The following ASAP1 variants were observed in gnomAD, a reference collection of about 807,000 sequenced individuals.
ASAP1 encodes the protein arf-GAP with SH3 domain, ANK repeat and PH domain-containing protein 1.
ASAP1 carries 43 observed loss-of-function variants against 145.2 expected under a neutral mutation model. The ratio of observed to expected loss-of-function variants is 0.30; its 90% CI spans 0.23 to 0.38. The LOEUF is 0.38. ASAP1 is among the 10% of genes least tolerant of loss of function. The probability of loss-of-function intolerance (pLI) is 1.00; values close to 1 mark genes in which losing one functional copy is unlikely to be tolerated. For synonymous variants in ASAP1, 546 were observed against 515.5 expected (o/e 1.06, Z -0.80); for missense variants, 1,018 against 1,355.3 (o/e 0.75, Z 3.91).
chr8:130,153,282 T>G (rs1015152297), intron 12 of ASAP1, among the ~76,000 whole-genome samples: 2 of 148,052 alleles, frequency 1.4e-5, no homozygotes, highest in Non-Finnish European at 3.0e-5. Flanking sequence ...CCTCCCAAAG[T>G]GCTGAGATTA....
intron 18 of ASAP1, among the ~76,000 whole-genome samples, chr8:130,119,006 A>T (rs1214185903): frequency 1.3e-5 from 2 of 152,258 alleles, no homozygotes; most frequent in African/African-American, 2.4e-5. Flanking sequence ...GAATAAATTT[A>T]AAAATTTAAG....
At chr8:130,151,143 C>A (rs574060430) in intron 13 of ASAP1, among the ~76,000 whole-genome samples, 1 of 151,850 alleles carries the variant, frequency 6.6e-6, no homozygotes, top group African/African-American at 2.4e-5. Flanking sequence ...GAGGCCGAAG[C>A]GGGCAGATCA....
intron 4 of ASAP1, among the ~76,000 whole-genome samples, chr8:130,236,130 C>A (rs917790900): frequency 6.6e-6 from 1 of 152,090 alleles, no homozygotes; most frequent in African/African-American, 2.4e-5. Flanking sequence ...CTATTATAGT[C>A]TGCTGCCTTC....
chr8:130,418,985 T>G (rs1016707962), intron 1 of ASAP1, among the ~76,000 whole-genome samples: 1 of 152,078 alleles, frequency 6.6e-6, no homozygotes, highest in African/African-American at 2.4e-5. Flanking sequence ...CTAAGAGGCC[T>G]GGTAAAAGGC....
chr8:130,146,704 T>G (rs1281543660), intron 13 of ASAP1, among the ~76,000 whole-genome samples: 1 of 152,218 alleles, frequency 6.6e-6, no homozygotes, highest in Non-Finnish European at 1.5e-5. Context: ...GGAAGCTGAA[T>G]GTTATCTTCA....
chr8:130,141,253 C>T (rs1435189987), intron 13 of ASAP1, among the ~76,000 whole-genome samples: 3 of 152,180 alleles, frequency 2.0e-5, no homozygotes, highest in Non-Finnish European at 4.4e-5. Flanking sequence ...AATAAACACA[C>T]ATCTGTGCCA....
At chr8:130,275,876 C>T (rs1218399110) in intron 3 of ASAP1, among the ~76,000 whole-genome samples, 2 of 152,124 alleles carry the variant, frequency 1.3e-5, no homozygotes, top group Non-Finnish European at 2.9e-5. Flanking sequence ...AACAACAGAA[C>T]TGGAGGAGAA....
At chr8:130,119,978 CCA>C (rs1014702713) in intron 18 of ASAP1, among the ~76,000 whole-genome samples, 9 of 152,124 alleles carry the variant, frequency 5.9e-5, no homozygotes, top group African/African-American at 2.2e-4. Flanking sequence ...TTCCAACAGC[CCA>C]CAGTCAGGCA....
At chr8:130,153,780 T>C (rs992871149) in intron 12 of ASAP1, among the ~76,000 whole-genome samples, 3 of 152,206 alleles carry the variant, frequency 2.0e-5, no homozygotes, top group African/African-American at 7.2e-5. Flanking sequence ...AACTCCTCTC[T>C]AGGAAGGGGA....
rs1341465346 is a variant in ASAP1, at chr8:130,127,933, A to T, written c.1375T>A (p.Ser459Thr). 1 of 1,611,720 alleles carries T rather than the reference A, an allele frequency of 6.2e-7. No homozygotes were observed. Among genetic ancestry groups the T allele is most frequent in the Admixed American group, 1.7e-5 (1 of 59,178 alleles). The change falls in exon 16 of 30, where the codon TCA becomes ACA. Residue 459 changes from serine to threonine, a missense_variant. Ser to Thr is a moderately conservative substitution (Grantham distance 58). Around this residue, in one of 9 missense-constraint regions of ASAP1, gnomAD observed 153 missense variants for 221.6 expected, o/e 0.69. Transcript: ENST00000518721. ...PGNDICCDCG[S>T]SEPTWLSTNL... ...CAAATATGGGGACAAAAACCTGATG[A>T]GCCACAATCGCAGCAAATGTCATTC...
At chr8:130,132,463 C>T (rs2097584689) in intron 15 of ASAP1, among the ~76,000 whole-genome samples, 1 of 152,162 alleles carries the variant, frequency 6.6e-6, no homozygotes, top group Admixed American at 6.5e-5. Context: ...AGCCTCCTGC[C>T]TGGAGTATAG....
At chr8:130,069,183 T>C (rs1374158643) in intron 27 of ASAP1, among the ~76,000 whole-genome samples, 1 of 152,158 alleles carries the variant, frequency 6.6e-6, no homozygotes, top group Non-Finnish European at 1.5e-5. Context: ...TAGAAATCTT[T>C]AGATGGTTAT....
Position 130,159,304 on chromosome 8 carries a change from C to T in ASAP1, c.1010+560G>A, listed in dbSNP as rs1164600727. On this transcript the variant is annotated intron_variant, in intron 12 of 29. Coordinates refer to ENST00000518721, the MANE Select transcript of ASAP1 (RefSeq NM_018482.4). ...CAAGGTTGGGTGGCCTGGTGAGCAA[C>T]AGGCAGAGAAAACTGCAGTGAATAA... is the stretch of plus-strand genomic sequence containing the variant. Among the ~76,000 whole-genome samples, 3 of 151,996 alleles carry T rather than the reference C, an allele frequency of 2.0e-5. No individual in the cohort carries two copies. In the East Asian group the frequency reaches 5.8e-4, roughly 29 times the overall value.
chr8:130,164,405 C>T (rs1185750885), intron 11 of ASAP1, among the ~76,000 whole-genome samples: 1 of 152,142 alleles, frequency 6.6e-6, no homozygotes, highest in Admixed American at 6.5e-5. Flanking sequence ...GCCTGGCCAA[C>T]ATGGTGAAAC....
chr8:130,336,363 T>C (rs755406850), intron 3 of ASAP1, among the ~76,000 whole-genome samples: 72 of 152,308 alleles, frequency 4.7e-4, no homozygotes, highest in Admixed American at 3.1e-3. Context: ...CACCTGAGAA[T>C]TGAAAAGAAA....
chr8:130,064,741 C>T (rs938519951), intron 27 of ASAP1, among the ~76,000 whole-genome samples: 4 of 152,186 alleles, frequency 2.6e-5, no homozygotes, highest in African/African-American at 9.7e-5. Context: ...ATGTTCCCAC[C>T]TTCCTGTCCA....
intron 3 of ASAP1, among the ~76,000 whole-genome samples, chr8:130,303,701 T>C (rs1822814241): frequency 6.6e-6 from 1 of 152,044 alleles, no homozygotes; most frequent in African/African-American, 2.4e-5. Context: ...ACTCTGACTA[T>C]ATGACATTCT....
At chr8:130,102,365 T>C (rs1421036755) in intron 24 of ASAP1, among the ~76,000 whole-genome samples, 1 of 152,252 alleles carries the variant, frequency 6.6e-6, no homozygotes, top group African/African-American at 2.4e-5. Context: ...CATATGGCTT[T>C]TGTCCTTCAT....
chr8:130,114,576 T>A (rs2097551812), intron 23 of ASAP1, among the ~76,000 whole-genome samples: 1 of 152,130 alleles, frequency 6.6e-6, no homozygotes, highest in Non-Finnish European at 1.5e-5. Context: ...ATTTGAGGAA[T>A]GTGTTGCACT....
Sources: gnomAD v4.1 joint callset for allele counts (sites outside exome capture counted in the v4.1 genomes callset) on GRCh38, gnomAD v4.1.1 for gene constraint, gnomAD v4.1.1 regional missense constraint, MANE v1.5 for transcripts, NCBI Gene and HGNC (gene_info 2026-07-23, HGNC 2026-07-21) for gene names.